The following STARD13 variants were observed in gnomAD, a reference collection of about 807,000 sequenced individuals.
The protein encoded by STARD13 is stAR-related lipid transfer protein 13.
In STARD13, 62 loss-of-function variants were observed where a neutral mutation model predicts 106.4. The observed-to-expected ratio is 0.58, with a 90% confidence interval of 0.48 to 0.72. The LOEUF (loss-of-function observed/expected upper bound fraction) is 0.72. STARD13 is among the 30% of genes least tolerant of loss of function. The probability of loss-of-function intolerance (pLI) is 0.00; values close to 1 mark genes in which losing one functional copy is unlikely to be tolerated. For synonymous variants in STARD13, 565 were observed against 553.0 expected (o/e 1.02, Z -0.31); for missense variants, 1,387 against 1,424.0 (o/e 0.97, Z 0.42).
At chr13:33,214,462 C>G (rs543707613) in intron 1 of STARD13, among the ~76,000 whole-genome samples, 1 of 152,246 alleles carries the variant, frequency 6.6e-6, no homozygotes, top group East Asian at 1.9e-4. Flanking sequence ...GTTAATCACA[C>G]TTATCAACAT....
the STARD13 span, chr13:33,659,702 A>C: frequency 1.3e-5 from 2 of 152,346 alleles, no homozygotes; most frequent in East Asian, 3.9e-4. Flanking sequence ...AACCCATGCT[A>C]AATGAAGTCA....
At chr13:33,330,029 A>C (rs1018610348) in intron 1 of STARD13, among the ~76,000 whole-genome samples, 14 of 152,106 alleles carry the variant, frequency 9.2e-5, no homozygotes, top group African/African-American at 3.4e-4. Flanking sequence ...TTATCTGTTC[A>C]CTGCAGGACA....
upstream of STARD13, among the ~76,000 whole-genome samples, chr13:33,351,213 T>C (rs1035575019): frequency 6.6e-6 from 1 of 152,196 alleles, no homozygotes; most frequent in African/African-American, 2.4e-5. Context: ...AAAAATAACT[T>C]TAAAATATTC....
At chr13:33,647,540 T>C in the STARD13 span, among the ~76,000 whole-genome samples, 1 of 152,230 alleles carries the variant, frequency 6.6e-6, no homozygotes, top group Non-Finnish European at 1.5e-5. Context: ...GCTCCATAAA[T>C]TGATCTAATT....
chr13:33,366,526 T>G, the STARD13 span, among the ~76,000 whole-genome samples: 2 of 152,220 alleles, frequency 1.3e-5, no homozygotes, highest in South Asian at 4.1e-4. This position sits in a 1 kb window ranked among gnomAD's most constrained non-coding sequence, Gnocchi z 4.2. Context: ...GGTACCTGCT[T>G]TGGATTTTAG....
the STARD13 span, among the ~76,000 whole-genome samples, chr13:33,493,963 G>T: frequency 6.6e-6 from 1 of 152,136 alleles, no homozygotes. Flanking sequence ...GACTTGGTGC[G>T]GGTTTCTCAT....
chr13:33,193,660 C>T (rs1886413576), intron 1 of STARD13, among the ~76,000 whole-genome samples: 2 of 152,184 alleles, frequency 1.3e-5, no homozygotes, highest in Non-Finnish European at 2.9e-5. Context: ...TGCCTCCCAC[C>T]TTTCCTCAAA....
the STARD13 span, among the ~76,000 whole-genome samples, chr13:33,421,242 A>G: frequency 6.6e-6 from 1 of 152,198 alleles, no homozygotes; most frequent in Non-Finnish European, 1.5e-5. Flanking sequence ...AATAGACACA[A>G]TAAAAAAATG....
At chr13:33,346,355 G>A (rs958972106), downstream of STARD13, among the ~76,000 whole-genome samples, 3 of 152,122 alleles carry the variant, frequency 2.0e-5, no homozygotes, top group East Asian at 1.9e-4. Flanking sequence ...GGTTTAGTTC[G>A]GTTTGGTTTG....
intron 1 of STARD13, among the ~76,000 whole-genome samples, chr13:33,188,434 A>T (rs1885964643): frequency 6.6e-6 from 1 of 152,188 alleles, no homozygotes; most frequent in Non-Finnish European, 1.5e-5. Flanking sequence ...AAATGGACAC[A>T]GAGAGTTAAT....
chr13:33,406,320 C>T, the STARD13 span, among the ~76,000 whole-genome samples: 4 of 152,188 alleles, frequency 2.6e-5, no homozygotes, highest in African/African-American at 9.6e-5. Flanking sequence ...ACTTGTTTTA[C>T]TAACTAGGTA....
At chr13:33,650,337 C>T in the STARD13 span, among the ~76,000 whole-genome samples, 901 of 149,266 alleles carry the variant, frequency 6.0e-3, 11 homozygotes, top group African/African-American at 0.021. Context: ...ACTACAGGCG[C>T]CCGCCACTAC....
chr13:33,257,800 A>G (rs993380981), intron 1 of STARD13, among the ~76,000 whole-genome samples: 2 of 152,218 alleles, frequency 1.3e-5, no homozygotes, highest in African/African-American at 4.8e-5. Flanking sequence ...ACAAGAGGGT[A>G]ACAGAAACAA....
intron 1 of STARD13, chr13:33,205,862 A>C: frequency 1.0e-6 from 1 of 985,460 alleles, no homozygotes; most frequent in Non-Finnish European, 1.2e-6. Context: ...CTTTCAAACA[A>C]AACCCCTCTC....
chr13:33,269,923 C>A (rs2138353937), intron 1 of STARD13, among the ~76,000 whole-genome samples: 1 of 152,186 alleles, frequency 6.6e-6, no homozygotes. Flanking sequence ...GTAGGTGTTG[C>A]CCATTTGTGA....
At chr13:33,406,830 G>A in the STARD13 span, among the ~76,000 whole-genome samples, 7 of 152,226 alleles carry the variant, frequency 4.6e-5, no homozygotes, top group South Asian at 1.2e-3. Context: ...GCAGAGCGTC[G>A]CCTTGTGAGA....
chr13:33,217,576 C>T (rs1888115601), intron 1 of STARD13, among the ~76,000 whole-genome samples: 1 of 152,120 alleles, frequency 6.6e-6, no homozygotes, highest in Non-Finnish European at 1.5e-5. Flanking sequence ...CAAGGAGGAC[C>T]ATGCGGCCTG....
the STARD13 span, among the ~76,000 whole-genome samples, chr13:33,622,042 T>C: frequency 6.6e-6 from 1 of 151,836 alleles, no homozygotes; most frequent in Non-Finnish European, 1.5e-5. Context: ...TGACCTCAGG[T>C]GATCCACCCG....
At chr13:33,600,845 G>T in the STARD13 span, among the ~76,000 whole-genome samples, 1 of 152,088 alleles carries the variant, frequency 6.6e-6, no homozygotes, top group East Asian at 1.9e-4. Context: ...AAAATGAGGA[G>T]ATAATGCTCA....
Sources: gnomAD v4.1 joint callset for allele counts (sites outside exome capture counted in the v4.1 genomes callset) on GRCh38, gnomAD v4.1.1 for gene constraint, Gnocchi (gnomAD v3.1) non-coding constraint, MANE v1.5 for transcripts, NCBI Gene and HGNC (gene_info 2026-07-23, HGNC 2026-07-21) for gene names.